The following SUCLG2 variants were observed in gnomAD, a reference collection of about 807,000 sequenced individuals.
SUCLG2 encodes succinate-CoA ligase GDP-forming subunit beta, also known as succinate--CoA ligase [GDP-forming] subunit beta, mitochondrial.
Under a neutral mutation model 47.9 loss-of-function variants are expected in SUCLG2, and 42 were observed. That is an observed-to-expected ratio of 0.88 (90% CI 0.69 to 1.14). SUCLG2 has a LOEUF of 1.14. SUCLG2 is among the 50% of genes most tolerant of loss of function. SUCLG2 has a pLI of 0.00. For missense variants in SUCLG2, 571 were observed against 525.9 expected (o/e 1.09, Z -0.84); for synonymous variants, 195 against 197.3 (o/e 0.99, Z 0.10).
intron 1 of SUCLG2, among the ~76,000 whole-genome samples, chr3:67,614,163 T>C (rs1163198917): frequency 6.6e-6 from 1 of 152,174 alleles, no homozygotes; most frequent in African/African-American, 2.4e-5. Flanking sequence ...AGGAATGGAA[T>C]GGAGTATAAA....
At chr3:67,494,666 T>A (rs1705285251) in intron 9 of SUCLG2, among the ~76,000 whole-genome samples, 1 of 152,112 alleles carries the variant, frequency 6.6e-6, no homozygotes. Flanking sequence ...AAGTTTTATA[T>A]CAAATTGTTG....
At chr3:67,635,109 A>C (rs892293517) in intron 1 of SUCLG2, among the ~76,000 whole-genome samples, 4 of 152,344 alleles carry the variant, frequency 2.6e-5, no homozygotes, top group South Asian at 2.1e-4. Flanking sequence ...CACTGCTTCC[A>C]ACATCATCAT....
At chr3:67,474,228 C>T (rs966751834) in intron 9 of SUCLG2, among the ~76,000 whole-genome samples, 19 of 151,698 alleles carry the variant, frequency 1.3e-4, no homozygotes, top group African/African-American at 4.4e-4. Flanking sequence ...CCACTGCACT[C>T]CAGACTGGGT....
In SUCLG2 at chr3:67,518,301, G is replaced by A. The variant is rs1229967872; in HGVS notation, c.606C>T (p.Ser202=). ...QIDIFEGIKD[S]QAQRMAENLG... ...GATTTTCGGCCATCCGCTGAGCTTG[G>A]CTGTCCTTTATTCCTTCAAAAATGT... is the stretch of plus-strand genomic sequence containing the variant. Residue 202 remains serine (S), a synonymous_variant, in exon 6 of 11, where the codon AGC becomes AGT. Transcript: ENST00000307227. The A allele has an allele frequency of 6.2e-7, 1 of 1,612,216 alleles. No individual in the cohort carries two copies.
At chr3:67,371,398 A>G (rs1701950817), downstream of SUCLG2, among the ~76,000 whole-genome samples, 1 of 152,212 alleles carries the variant, frequency 6.6e-6, no homozygotes, top group Admixed American at 6.5e-5. Context: ...GCTGCACACT[A>G]AATTTTCTCC....
intron 9 of SUCLG2, among the ~76,000 whole-genome samples, chr3:67,456,825 T>C (rs1193553634): frequency 6.6e-6 from 1 of 152,184 alleles, no homozygotes; most frequent in African/African-American, 2.4e-5. Flanking sequence ...ATGCACATAT[T>C]TGCCAGAGAG....
chr3:67,510,752 T>C (rs1178213807), intron 6 of SUCLG2, among the ~76,000 whole-genome samples: 5 of 152,184 alleles, frequency 3.3e-5, no homozygotes, highest in Non-Finnish European at 4.4e-5. Flanking sequence ...TTCTAATAGG[T>C]TGACATTACA....
At chr3:67,559,643 T>G (rs1707255402) in intron 2 of SUCLG2, among the ~76,000 whole-genome samples, 1 of 152,184 alleles carries the variant, frequency 6.6e-6, no homozygotes, top group Admixed American at 6.5e-5. Flanking sequence ...GACTACCATC[T>G]ATATGTTTAC....
At chr3:67,621,583 C>A (rs906098179) in intron 1 of SUCLG2, among the ~76,000 whole-genome samples, 8 of 152,026 alleles carry the variant, frequency 5.3e-5, no homozygotes, top group African/African-American at 1.9e-4. Context: ...AGAGCTTTGC[C>A]CTCATGAATG....
intron 9 of SUCLG2, among the ~76,000 whole-genome samples, chr3:67,431,796 G>T (rs191145590): frequency 1.3e-5 from 2 of 152,118 alleles, no homozygotes; most frequent in East Asian, 3.9e-4. Context: ...TAAATGATGA[G>T]TTAATGGGTG....
chr3:67,615,440 C>T (rs1439317493), intron 1 of SUCLG2, among the ~76,000 whole-genome samples: 13 of 152,134 alleles, frequency 8.5e-5, no homozygotes, highest in Admixed American at 7.9e-4. Context: ...TCTGCACTTG[C>T]TCCAGCCTTC....
intron 2 of SUCLG2, among the ~76,000 whole-genome samples, chr3:67,550,891 G>C (rs1248461774): frequency 2.7e-5 from 4 of 148,810 alleles, no homozygotes; most frequent in Admixed American, 6.7e-5. Context: ...GTTACTATGA[G>C]TATTAAACGG....
chr3:67,596,738 GTTAC>G (rs1281666328), intron 2 of SUCLG2, among the ~76,000 whole-genome samples: 2 of 152,186 alleles, frequency 1.3e-5, no homozygotes, highest in African/African-American at 2.4e-5. Flanking sequence ...TTGAAAAGAG[GTTAC>G]TTAAATCACA....
intron 1 of SUCLG2, among the ~76,000 whole-genome samples, chr3:67,634,761 A>C (rs1270378914): frequency 6.6e-6 from 1 of 152,218 alleles, no homozygotes; most frequent in Non-Finnish European, 1.5e-5. Flanking sequence ...CAGTATCATG[A>C]AAATGGTATT....
chr3:67,590,617 CATG>C (rs1347983032), intron 2 of SUCLG2, among the ~76,000 whole-genome samples: 3 of 152,190 alleles, frequency 2.0e-5, no homozygotes, highest in Non-Finnish European at 2.9e-5. Flanking sequence ...TGCCTTCTGC[CATG>C]ATATTAAGTT....
intron 9 of SUCLG2, among the ~76,000 whole-genome samples, chr3:67,460,181 A>G (rs9836548): frequency 0.78 from 119,156 of 152,230 alleles, 46,995 homozygotes; most frequent in East Asian, 0.86. Context: ...GTAGTAAATC[A>G]CTACTGATTG....
chr3:67,613,894 G>A (rs1575817324), intron 1 of SUCLG2, among the ~76,000 whole-genome samples: 1 of 152,164 alleles, frequency 6.6e-6, no homozygotes, highest in Admixed American at 6.5e-5. Flanking sequence ...AAGTAAAATA[G>A]TGTCCCTTTC....
intron 2 of SUCLG2, among the ~76,000 whole-genome samples, chr3:67,585,355 T>C (rs1707988943): frequency 6.6e-6 from 1 of 152,172 alleles, no homozygotes; most frequent in South Asian, 2.1e-4. Context: ...TGAAAACACA[T>C]GGTCTTGACC....
chr3:67,517,775 T>C (rs970188734), intron 6 of SUCLG2, among the ~76,000 whole-genome samples: 6 of 152,344 alleles, frequency 3.9e-5, no homozygotes, highest in Non-Finnish European at 8.8e-5. Context: ...AAATAACATG[T>C]ATTATTAATA....
Sources: allele counts gnomAD v4.1 joint callset (sites outside exome capture counted in the v4.1 genomes callset), GRCh38; gene constraint gnomAD v4.1.1; transcripts MANE v1.5; gene names NCBI Gene and HGNC (gene_info 2026-07-23, HGNC 2026-07-21).